The following ZNF654 variants were observed in gnomAD, a reference collection of about 807,000 sequenced individuals.
ZNF654 encodes zinc finger protein 654, also known as melanoma-associated antigen.
ZNF654 carries 19 observed loss-of-function variants against 95.3 expected under a neutral mutation model. That is an observed-to-expected ratio of 0.20 (90% CI 0.14 to 0.29). The LOEUF (loss-of-function observed/expected upper bound fraction) is 0.29. ZNF654 is among the 10% of genes least tolerant of loss of function. The probability of loss-of-function intolerance (pLI) is 1.00; values close to 1 mark genes in which losing one functional copy is unlikely to be tolerated. For synonymous variants in ZNF654, 413 were observed against 457.9 expected, an observed-to-expected ratio of 0.90 and a Z score of 1.25; for missense variants, 1,046 against 1,341.0, an observed-to-expected ratio of 0.78 and a Z score of 3.44.
At chr3:88,128,537 A>G (rs1434304035) in intron 4 of ZNF654, among the ~76,000 whole-genome samples, 5 of 152,016 alleles carry the variant, frequency 3.3e-5, no homozygotes, top group Admixed American at 3.3e-4. Context: ...GAAAGAAGAA[A>G]AAAAATTTTT....
chr3:88,071,729 G>A (rs529786166), intron 1 of ZNF654, among the ~76,000 whole-genome samples: 21 of 152,050 alleles, frequency 1.4e-4, no homozygotes, highest in African/African-American at 4.6e-4. Context: ...ACTTGAACCC[G>A]GGAGGCAGAG....
At position 88,125,219 on chromosome 3, in the gene ZNF654, AAAAAAAAC is replaced by A. The variant is rs575696430; in HGVS notation, c.415-899_415-892del. Among the ~76,000 whole-genome samples, 49 of 151,952 alleles carry A rather than the reference AAAAAAAAC, an allele frequency of 3.2e-4. 1 individual carries two copies. The South Asian group carries it at 6.4e-3, about 20-fold the overall frequency. On this transcript the variant is annotated intron_variant, in intron 3 of 8. Coordinates refer to ENST00000636215, the MANE Select transcript of ZNF654 (RefSeq NM_001350134.2). The stretch of plus-strand genomic sequence containing the variant: ...ATCAAAGTTAAGACTCCATCTCAAA[AAAAAAAAC>A]AAAAAAACAAAAAAAAACCAATATC...
Position 88,128,824 on chromosome 3 carries a change from G to A in ZNF654, c.566G>A (p.Ser189Asn). The A allele has an allele frequency of 1.3e-6, 2 of 1,534,540 alleles. No individual in the cohort carries two copies. The highest frequency in any genetic ancestry group is 2.7e-5 in the African/African-American group (2 of 73,066). The change falls in exon 5 of 9, where the codon AGT (serine) becomes AAT (asparagine). Residue 189 changes from serine (S) to asparagine (N), a missense_variant. Ser to Asn is a conservative substitution (Grantham distance 46). Around this residue, in one of 9 missense-constraint regions of ZNF654, gnomAD observed 91 missense variants for 190.5 expected, o/e 0.48. Transcript: ENST00000636215. ...TTTAATATAGTGAACAAATATTTAA[G>A]TTCTGAAAATCCACTGTTCTTTGAA... The part of the protein sequence containing the change: ...ASQEIVNKYL[S>N]SENPLFFELR...
rs1401848909 is a variant in ZNF654, at chr3:88,142,882, A to G, written c.*1230A>G. The G allele has an allele frequency of 6.6e-6, 1 of 152,336 alleles. No individual in the cohort carries two copies. Among genetic ancestry groups the G allele is most frequent in the Admixed American group, 6.6e-5 (1 of 15,232 alleles). 9.4% of individuals were successfully genotyped at this position (152,336 alleles called of 1,614,324 possible). A position where few individuals can be genotyped will look rare whatever the true frequency, so the allele number is the denominator to read the frequency against. On this transcript the variant is annotated 3_prime_UTR_variant, in exon 9 of 9. Coordinates refer to ENST00000636215, the MANE Select transcript of ZNF654 (RefSeq NM_001350134.2). Reference sequence around the variant, plus strand: ...TTTCCTAAGAAGATTTTAACTTAATAAAGTGTTAAAACAATAAATATTTTT... The same window carrying G: ...TTTCCTAAGAAGATTTTAACTTAATGAAGTGTTAAAACAATAAATATTTTT...
chr3:88,096,079 T>A (rs189991509), intron 2 of ZNF654: 53 of 164,484 alleles, frequency 3.2e-4, no homozygotes, highest in Admixed American at 7.8e-4. Flanking sequence ...GGTCTAGGGC[T>A]TGGCAGACTG....
chr3:88,082,083 C>A (rs4438681), intron 1 of ZNF654, among the ~76,000 whole-genome samples: 2 of 151,902 alleles, frequency 1.3e-5, no homozygotes, highest in East Asian at 1.9e-4. Context: ...CTTTGACGCC[C>A]CTAAAATGGA....
chr3:88,129,321 T>TAA (rs11370327), intron 5 of ZNF654, among the ~76,000 whole-genome samples: 1,538 of 76,536 alleles, frequency 0.02, 41 homozygotes, highest in Non-Finnish European at 0.025. Flanking sequence ...TTGCCAGGAG[T>TAA]AAAAAAAAAA....
intron 2 of ZNF654, among the ~76,000 whole-genome samples, chr3:88,094,310 G>GC (rs1178148164): frequency 6.6e-6 from 1 of 152,064 alleles, no homozygotes; most frequent in Non-Finnish European, 1.5e-5. Flanking sequence ...GTTGTGACTA[G>GC]CATCTTTTCC....
intron 3 of ZNF654, among the ~76,000 whole-genome samples, chr3:88,117,016 C>T (rs1416742718): frequency 8.5e-5 from 13 of 152,172 alleles, no homozygotes; most frequent in Admixed American, 2.0e-4. Flanking sequence ...GGATCTGTTA[C>T]GTTTTTGCTG....
At chr3:88,108,370 G>A (rs371492449) in intron 2 of ZNF654, among the ~76,000 whole-genome samples, 163 of 152,180 alleles carry the variant, frequency 1.1e-3, no homozygotes, top group African/African-American at 3.9e-3. Context: ...ATCATTAAAG[G>A]TACCTAGTGA....
intron 1 of ZNF654, among the ~76,000 whole-genome samples, chr3:88,070,740 C>G (rs982703766): frequency 6.6e-6 from 1 of 151,918 alleles, no homozygotes; most frequent in African/African-American, 2.4e-5. Context: ...CAGTTCCTGT[C>G]CTAGATTCTC....
Position 88,059,376 on chromosome 3 carries a change from C to T in ZNF654, c.57C>T (p.Ala19=), listed in dbSNP as rs1482382142. The change falls in exon 1 of 9, where the codon GCC becomes GCT. Residue 19 remains alanine, a synonymous_variant. Coordinates refer to ENST00000636215, the MANE Select transcript of ZNF654 (RefSeq NM_001350134.2). ...AACGCCTCGGAGAAGAGCTTGTGGC[C>T]ATTGTGGAGTCCCCGCTGGGCCCTG... ...EAERLGEELV[A]IVESPLGPVG... 6.5e-7 allele frequency: 1 copy of T among 1,535,296 alleles called. No individual in the cohort carries two copies. Among genetic ancestry groups the T allele is most frequent in the Admixed American group, 2.0e-5 (1 of 50,994 alleles).
chr3:88,119,491 T>C (rs550749963), intron 3 of ZNF654, among the ~76,000 whole-genome samples: 2 of 149,604 alleles, frequency 1.3e-5, no homozygotes, highest in Admixed American at 6.7e-5. Flanking sequence ...TGTATACATA[T>C]GTAACTAACC....
At chr3:88,127,466 A>T (rs1253145310) in intron 4 of ZNF654, among the ~76,000 whole-genome samples, 1 of 150,238 alleles carries the variant, frequency 6.7e-6, no homozygotes, top group Non-Finnish European at 1.5e-5. Flanking sequence ...ACTAAAAGGG[A>T]GAGAGTTGTT....
rs1385609987 is a variant in ZNF654, at chr3:88,142,753, C to A, written c.*1101C>A. 6.6e-6 allele frequency: 1 copy of A among 152,068 alleles called. No homozygotes were observed. Among genetic ancestry groups the A allele is most frequent in the Non-Finnish European group, 1.5e-5 (1 of 67,768 alleles). 9.4% of individuals were successfully genotyped at this position (152,068 alleles called of 1,614,324 possible). A position where few individuals can be genotyped will look rare whatever the true frequency, so the allele number is the denominator to read the frequency against. ...TTAATTCATTAGTGATGACTCTGGT[C>A]TGAACAGTAATTTTTATATGTAAAA... is the stretch of plus-strand genomic sequence containing the variant. On this transcript the variant is annotated 3_prime_UTR_variant, in exon 9 of 9. Coordinates refer to ENST00000636215, the MANE Select transcript of ZNF654 (RefSeq NM_001350134.2).
At chr3:88,097,565 T>C (rs972487465) in intron 2 of ZNF654, among the ~76,000 whole-genome samples, 1 of 152,114 alleles carries the variant, frequency 6.6e-6, no homozygotes, top group Non-Finnish European at 1.5e-5. Context: ...ATTCCAAAAT[T>C]GACCACATAA....
At chr3:88,068,545 T>A (rs1221794684) in intron 1 of ZNF654, among the ~76,000 whole-genome samples, 1 of 152,216 alleles carries the variant, frequency 6.6e-6, no homozygotes, top group Non-Finnish European at 1.5e-5. Context: ...TTGGTTACTC[T>A]AAAGTTGAAA....
chr3:88,136,024 G>A (rs1195117038), intron 7 of ZNF654, among the ~76,000 whole-genome samples: 4 of 151,740 alleles, frequency 2.6e-5, no homozygotes, highest in African/African-American at 4.8e-5. Context: ...TGATAATTTC[G>A]CTAACTGCAT....
rs1445634287 is a variant in ZNF654 at position 88,140,648 on chromosome 3, T to C, written c.2979T>C (p.Pro993=). The part of the protein sequence containing the change: ...IEQTPLVSSD[P]ALKIDTNRIR... The stretch of plus-strand genomic sequence containing the variant: ...AAACACCTTTAGTTTCATCAGATCC[T>C]GCTTTGAAAATTGATACAAACAGAA... The change falls in exon 8 of 9, where the codon CCT becomes CCC. Residue 993 remains proline (P), a synonymous_variant. Coordinates refer to ENST00000636215, the MANE Select transcript of ZNF654 (RefSeq NM_001350134.2). The C allele has an allele frequency of 1.2e-6, 2 of 1,613,672 alleles. No individual in the cohort carries two copies. Among genetic ancestry groups the C allele is most frequent in the African/African-American group, 2.7e-5 (2 of 74,916 alleles).
Sources: gnomAD v4.1 joint callset for allele counts (sites outside exome capture counted in the v4.1 genomes callset) on GRCh38, gnomAD v4.1.1 for gene constraint, gnomAD v4.1.1 regional missense constraint, MANE v1.5 for transcripts, NCBI Gene and HGNC (gene_info 2026-07-23, HGNC 2026-07-21) for gene names.